The following THOC2 variants were observed in gnomAD, a reference collection of about 807,000 sequenced individuals.
THOC2 encodes THO complex subunit 2.
A neutral mutation model predicts 128.4 loss-of-function variants in THOC2; 10 were observed. The ratio of observed to expected loss-of-function variants is 0.08; its 90% CI spans 0.05 to 0.13. The LOEUF is 0.13. THOC2 is among the 10% of genes least tolerant of loss of function. THOC2 has a pLI of 1.00. For missense variants in THOC2, 535 were observed against 1,155.7 expected (o/e 0.46, Z 7.79); for synonymous variants, 393 against 396.9 (o/e 0.99, Z 0.12).
intron 7 of THOC2, among the ~76,000 whole-genome samples, chrX:123,691,174 T>C (rs914552251): frequency 1.8e-5 from 2 of 111,798 alleles, no homozygotes; most frequent in African/African-American, 6.5e-5. Context: ...ACTGTACCAC[T>C]GCAATCCAGC....
chrX:123,609,597 G>A (rs1426785761), intron 38 of THOC2, among the ~76,000 whole-genome samples: 2 of 112,000 alleles, frequency 1.8e-5, no homozygotes, highest in African/African-American at 3.2e-5. Context: ...AAGATTAGAA[G>A]CATCCAATAA....
chrX:123,703,619 G>T, intron 3 of THOC2, 114 bp from the exon 4 acceptor site: 1 of 443,978 alleles, frequency 2.3e-6, no homozygotes, highest in Non-Finnish European at 3.8e-6. Context: ...TGGGAGCAGT[G>T]GCTCACACCT....
At chrX:123,653,033 C>T (rs1252223731) in intron 12 of THOC2, among the ~76,000 whole-genome samples, 1 of 111,862 alleles carries the variant, frequency 8.9e-6, no homozygotes, top group Non-Finnish European at 1.9e-5. Context: ...TACTACAAGG[C>T]TACAGTAACC....
intron 1 of THOC2, among the ~76,000 whole-genome samples, chrX:123,713,485 A>G (rs1446657680): frequency 9.1e-6 from 1 of 109,342 alleles, no homozygotes; most frequent in Non-Finnish European, 1.9e-5. Context: ...ACAAAAAAAA[A>G]AAAAAAGTAA....
intron 1 of THOC2, among the ~76,000 whole-genome samples, chrX:123,729,036 A>C (rs2052117682): frequency 8.9e-6 from 1 of 112,470 alleles, no homozygotes; most frequent in Non-Finnish European, 1.9e-5. Flanking sequence ...ATGCAAGTTT[A>C]TTAGCTTCAT....
rs185259484 is a variant in THOC2, at chrX:123,652,537, T to C, written c.1387-7162A>G. Among the ~76,000 whole-genome samples the C allele has an allele frequency of 1.8e-4, 20 of 111,829 alleles. No individual in the cohort carries two copies. In the South Asian group the frequency reaches 2.2e-3, roughly 12 times the overall value. On this transcript the variant is annotated intron_variant, in intron 12 of 38. Coordinates refer to ENST00000245838, the MANE Select transcript of THOC2 (RefSeq NM_001081550.2). ...TGATTGTATATTTAGAAAACCCCAT[T>C]GTCTCAGCCCACAATCTCCTTAAGC...
chrX:123,625,115 T>C (rs146468468), intron 25 of THOC2, among the ~76,000 whole-genome samples: 1,722 of 111,358 alleles, frequency 0.015, 31 homozygotes, highest in African/African-American at 0.053. Flanking sequence ...GTTTTGAGAC[T>C]GAGTCTTACT....
rs1048659604 is a variant in THOC2 at position 123,649,784 on chromosome X, T to C, written c.1387-4409A>G. On this transcript the variant is annotated intron_variant, in intron 12 of 38. Transcript: ENST00000245838. ...AAGAATGTAAAGGAACAAACAAAGC[T>C]TCCAAGAAATATGGGACTATGTGAA... is the stretch of plus-strand genomic sequence containing the variant. Among the ~76,000 whole-genome samples the C allele has an allele frequency of 3.6e-5, 4 of 111,110 alleles. No homozygotes were observed. The East Asian group carries it at 1.1e-3, about 31-fold the overall frequency.
At chrX:123,658,001 GTGTGTA>G (rs1003921364) in intron 12 of THOC2, among the ~76,000 whole-genome samples, 1 of 90,391 alleles carries the variant, frequency 1.1e-5, no homozygotes, top group African/African-American at 4.0e-5. Context: ...GTGTGTGTGT[GTGTGTA>G]TAAGCAAATG....
intron 4 of THOC2, 100 bp downstream of exon 4, chrX:123,703,354 C>A: frequency 1.9e-6 from 1 of 532,115 alleles, no homozygotes. Context: ...TCTAGACTTG[C>A]AGAAACATTT....
At chrX:123,635,308 G>A (rs1331691481) in intron 19 of THOC2, among the ~76,000 whole-genome samples, 1 of 111,981 alleles carries the variant, frequency 8.9e-6, no homozygotes, top group African/African-American at 3.2e-5. Context: ...GCAGAGAGAT[G>A]AGCATAAGGG....
intron 1 of THOC2, among the ~76,000 whole-genome samples, chrX:123,716,702 C>G (rs1232973614): frequency 9.8e-6 from 1 of 101,555 alleles, no homozygotes; most frequent in Non-Finnish European, 2.0e-5. Context: ...GCACTCCAGC[C>G]TGGGCGACAG....
At position 123,601,330 on chromosome X, in the gene THOC2, C is replaced by T. The variant is rs751026437; in HGVS notation, c.*27G>A. 4 of 109,755 alleles carry T rather than the reference C, an allele frequency of 3.6e-5. No individual in the cohort carries two copies. Among genetic ancestry groups the T allele is most frequent in the East Asian group, 2.8e-4 (1 of 3,525 alleles). 9.0% of individuals were successfully genotyped at this position (109,755 alleles called of 1,213,427 possible). ...TGGTCGCAGCCGAACAGTTCCAGTC[C>T]GATCTCACCTGAAAGAAACAAAGTG... is the stretch of plus-strand genomic sequence containing the variant. On this transcript the variant is annotated 3_prime_UTR_variant, in exon 39 of 39. Coordinates refer to ENST00000245838, the MANE Select transcript of THOC2 (RefSeq NM_001081550.2).
chrX:123,686,409 G>A (rs1025556789), intron 8 of THOC2, 139 bp downstream of exon 8: 6 of 435,472 alleles, frequency 1.4e-5, no homozygotes, highest in Admixed American at 4.3e-5. Flanking sequence ...ACATTGCATT[G>A]TTAGCTATCC....
chrX:123,601,035 C>T lies in THOC2; in HGVS notation c.*322G>A, dbSNP rs1569307158. ...AATGGAAATAAAAACTGAACCCAGG[C>T]AATATTTAGTTAATCTAAAGTAAAA... is the stretch of plus-strand genomic sequence containing the variant. On this transcript the variant is annotated 3_prime_UTR_variant, in exon 39 of 39. Transcript: ENST00000245838. 2 of 112,391 alleles carry T rather than the reference C, an allele frequency of 1.8e-5. No homozygotes were observed. Among genetic ancestry groups the T allele is most frequent in the Non-Finnish European group, 1.9e-5 (1 of 53,197 alleles). The allele number at this position is 112,391 out of a possible 1,213,427, so 9.3% of individuals were successfully genotyped here.
chrX:123,669,273 G>C (rs1025933171), intron 9 of THOC2, among the ~76,000 whole-genome samples: 1 of 108,394 alleles, frequency 9.2e-6, no homozygotes, highest in Admixed American at 9.8e-5. Flanking sequence ...AAACACATTT[G>C]TATTGCTGTA....
intron 12 of THOC2, among the ~76,000 whole-genome samples, chrX:123,661,169 C>T (rs894859069): frequency 4.5e-5 from 5 of 111,969 alleles, no homozygotes; most frequent in South Asian, 3.7e-4. Flanking sequence ...TTTTGGGAGG[C>T]GGAGAAGGGC....
chrX:123,683,438 T>C (rs985163989), intron 8 of THOC2, among the ~76,000 whole-genome samples: 1 of 111,112 alleles, frequency 9.0e-6, no homozygotes, highest in Admixed American at 9.6e-5. Context: ...ATTGACCATA[T>C]ATGCTTGGGA....
chrX:123,640,029 T>A (rs2047846337), intron 16 of THOC2, among the ~76,000 whole-genome samples: 1 of 110,525 alleles, frequency 9.0e-6, no homozygotes, highest in Admixed American at 9.7e-5. Context: ...CTACTAAAAA[T>A]ACAAAAAATT....
Sources: allele counts gnomAD v4.1 joint callset (sites outside exome capture counted in the v4.1 genomes callset), GRCh38; gene constraint gnomAD v4.1.1; transcripts MANE v1.5; gene names NCBI Gene and HGNC (gene_info 2026-07-23, HGNC 2026-07-21).